The following ST6GALNAC3 variants were observed in gnomAD, a reference collection of about 807,000 sequenced individuals.
The protein encoded by ST6GALNAC3 is ST6 N-acetylgalactosaminide alpha-2,6-sialyltransferase 3.
Under a neutral mutation model 32.7 loss-of-function variants are expected in ST6GALNAC3, and 25 were observed. The observed-to-expected ratio is 0.76, with a 90% CI of 0.56 to 1.07. ST6GALNAC3 has a LOEUF of 1.07. Among genes scored for constraint, ST6GALNAC3 ranks in the 50% least tolerant of loss-of-function variants. ST6GALNAC3 has a pLI of 0.00. For missense variants in ST6GALNAC3, 355 were observed against 382.4 expected (o/e 0.93, Z 0.60); for synonymous variants, 129 against 133.1 (o/e 0.97, Z 0.21).
At chr1:76,402,925 C>T in intron 2 of ST6GALNAC3, among the ~76,000 whole-genome samples, 1 of 152,038 alleles carries the variant, frequency 6.6e-6, no homozygotes, top group East Asian at 1.9e-4. Flanking sequence ...GTCTTATCTT[C>T]CATGTATTCT....
intron 3 of ST6GALNAC3, among the ~76,000 whole-genome samples, chr1:76,429,269 A>G (rs1420274650): frequency 6.6e-6 from 1 of 152,152 alleles, no homozygotes; most frequent in African/African-American, 2.4e-5. Context: ...ACAGTCCACC[A>G]TGTCCTATCT....
intron 3 of ST6GALNAC3, among the ~76,000 whole-genome samples, chr1:76,458,647 A>G (rs1042801328): frequency 1.3e-5 from 2 of 149,566 alleles, no homozygotes; most frequent in Non-Finnish European, 3.0e-5. Context: ...AAAAAACCAA[A>G]CACCACATAT....
chr1:76,568,207 G>C (rs1665665042), intron 3 of ST6GALNAC3, among the ~76,000 whole-genome samples: 1 of 152,052 alleles, frequency 6.6e-6, no homozygotes, highest in Non-Finnish European at 1.5e-5. Context: ...TATTTGTAAG[G>C]CTTAGAGAGG....
intron 1 of ST6GALNAC3, among the ~76,000 whole-genome samples, chr1:76,169,848 G>T (rs1570288505): frequency 6.6e-6 from 1 of 152,094 alleles, no homozygotes; most frequent in African/African-American, 2.4e-5. Flanking sequence ...TGGCTGTTTT[G>T]TCTGTCAGCT....
intron 3 of ST6GALNAC3, among the ~76,000 whole-genome samples, chr1:76,437,127 A>C (rs978601493): frequency 6.6e-6 from 1 of 152,126 alleles, no homozygotes; most frequent in African/African-American, 2.4e-5. Context: ...TGAATGTACA[A>C]TATTACAAAA....
chr1:76,356,791 C>T (rs527789043), intron 2 of ST6GALNAC3, among the ~76,000 whole-genome samples: 20 of 152,180 alleles, frequency 1.3e-4, no homozygotes, highest in Non-Finnish European at 2.8e-4. Context: ...CTGAGCATAA[C>T]GCAATGAGAA....
Position 76,494,429 on chromosome 1 carries a change from G to GTATATA in ST6GALNAC3, c.623+82047_623+82052dup, listed in dbSNP as rs60378565. On this transcript the variant is annotated intron_variant, in intron 3 of 4. Coordinates refer to ENST00000328299, the MANE Select transcript of ST6GALNAC3 (RefSeq NM_152996.4). ...TAGGACTAATAGGATGTGTGCATGTGTATATATATATATATATATATATAT... is the reference window on the plus strand; with the variant it reads ...TAGGACTAATAGGATGTGTGCATGTGTATATATATATATATATATATATATATATAT... Among the ~76,000 whole-genome samples, 294 of 53,404 alleles carry GTATATA rather than the reference G, an allele frequency of 5.5e-3. 7 individuals carry two copies. Among genetic ancestry groups the GTATATA allele is most frequent in the African/African-American group, 0.013 (203 of 15,840 alleles). The allele number at this position is 53,404 out of a possible 152,430, so 35.0% of individuals were successfully genotyped here.
intron 1 of ST6GALNAC3, among the ~76,000 whole-genome samples, chr1:76,085,037 G>A (rs1052290858): frequency 5.3e-5 from 8 of 152,066 alleles, no homozygotes; most frequent in South Asian, 4.1e-4. Context: ...GAACAAGCCC[G>A]GCTTGCTGCC....
intron 3 of ST6GALNAC3, among the ~76,000 whole-genome samples, chr1:76,457,513 A>T (rs1657916602): frequency 6.6e-6 from 1 of 152,206 alleles, no homozygotes; most frequent in African/African-American, 2.4e-5. Flanking sequence ...CCAAAACAGC[A>T]TGGTACTGGT....
Position 76,275,737 on chromosome 1 carries a change from A to G in ST6GALNAC3, c.19-38068A>G, listed in dbSNP as rs80076231. Among the ~76,000 whole-genome samples the G allele has an allele frequency of 1.8e-3, 270 of 152,316 alleles. 3 individuals are homozygous for G. In the East Asian group the frequency reaches 0.05, roughly 28 times the overall value. The stretch of plus-strand genomic sequence containing the variant: ...CTTAATTGATGGCTAGTATTTAAGA[A>G]CATTATCTCCCTTCTGTATTATGTA... On this transcript the variant is annotated intron_variant, in intron 1 of 4. Coordinates refer to ENST00000328299, the MANE Select transcript of ST6GALNAC3 (RefSeq NM_152996.4).
At chr1:76,517,487 G>T (rs947027679) in intron 3 of ST6GALNAC3, among the ~76,000 whole-genome samples, 1 of 151,408 alleles carries the variant, frequency 6.6e-6, no homozygotes, top group Non-Finnish European at 1.5e-5. Context: ...TTGCAGAGTC[G>T]CCTTTTGCTG....
At chr1:76,259,506 T>TATCATCATCACCACCTCC (rs1247812537) in intron 1 of ST6GALNAC3, among the ~76,000 whole-genome samples, 2 of 152,188 alleles carry the variant, frequency 1.3e-5, no homozygotes, top group African/African-American at 4.8e-5. Context: ...TGTTGGCTAT[T>TATCATCATCACCACCTCC]ATCATCATCA....
At chr1:76,484,986 G>A (rs542737983) in intron 3 of ST6GALNAC3, among the ~76,000 whole-genome samples, 16 of 152,154 alleles carry the variant, frequency 1.1e-4, no homozygotes, top group Non-Finnish European at 1.8e-4. Flanking sequence ...TAACCATGTG[G>A]TAGTTGTCTT....
chr1:76,569,801 G>A (rs1475741879), intron 3 of ST6GALNAC3, among the ~76,000 whole-genome samples: 2 of 151,980 alleles, frequency 1.3e-5, no homozygotes, highest in Non-Finnish European at 2.9e-5. Flanking sequence ...AGGGCTTACT[G>A]TTCAATACTG....
At chr1:76,302,034 T>C (rs1412710458) in intron 1 of ST6GALNAC3, among the ~76,000 whole-genome samples, 1 of 151,992 alleles carries the variant, frequency 6.6e-6, no homozygotes, top group Non-Finnish European at 1.5e-5. Context: ...TTTCTGATTC[T>C]TTGTTCCCTA....
intron 1 of ST6GALNAC3, among the ~76,000 whole-genome samples, chr1:76,232,219 T>A (rs572623): frequency 0.31 from 47,255 of 152,130 alleles, 9,588 homozygotes; most frequent in African/African-American, 0.57. Flanking sequence ...ATTGAAAAGA[T>A]CCCTATCTAT....
intron 3 of ST6GALNAC3, among the ~76,000 whole-genome samples, chr1:76,468,454 TC>T: frequency 6.6e-6 from 1 of 152,162 alleles, no homozygotes; most frequent in East Asian, 1.9e-4. Flanking sequence ...CTGTAATTTT[TC>T]TTTGTGAAGC....
chr1:76,171,088 GGTGT>G (rs71071988), intron 1 of ST6GALNAC3, among the ~76,000 whole-genome samples: 7 of 149,484 alleles, frequency 4.7e-5, no homozygotes, highest in South Asian at 2.1e-4. Context: ...CATTGAGAGG[GGTGT>G]GTGTGTGTGT....
At chr1:76,436,329 A>G (rs1175341762) in intron 3 of ST6GALNAC3, among the ~76,000 whole-genome samples, 1 of 152,094 alleles carries the variant, frequency 6.6e-6, no homozygotes, top group Non-Finnish European at 1.5e-5. Flanking sequence ...TCAGAATATC[A>G]CATTTAGGAA....
Sources: gnomAD v4.1 joint callset for allele counts (sites outside exome capture counted in the v4.1 genomes callset) on GRCh38, gnomAD v4.1.1 for gene constraint, MANE v1.5 for transcripts, NCBI Gene and HGNC (gene_info 2026-07-23, HGNC 2026-07-21) for gene names.